Variants in ARHGEF9 observed in about 807,000 individuals in gnomAD.
ARHGEF9 encodes rho guanine nucleotide exchange factor 9.
Under a neutral mutation model 41.3 loss-of-function variants are expected in ARHGEF9, and 2 were observed. That is an observed-to-expected ratio of 0.05 (90% CI 0.02 to 0.15). The LOEUF (loss-of-function observed/expected upper bound fraction) is 0.15. ARHGEF9 is among the 10% of genes least tolerant of loss of function. ARHGEF9 has a pLI of 1.00. For missense variants in ARHGEF9, 225 were observed against 424.7 expected (o/e 0.53, Z 4.13); for synonymous variants, 160 against 154.4 (o/e 1.04, Z -0.27).
rs1260204984 is a variant in ARHGEF9, at chrX:63,753,720, C to G, written c.31-29009G>C. Among the ~76,000 whole-genome samples the G allele has an allele frequency of 3.6e-5, 4 of 111,301 alleles. No homozygotes were observed. In the Admixed American group the frequency reaches 3.8e-4, roughly 11 times the overall value. On this transcript the variant is annotated intron_variant, in intron 1 of 9. Transcript: ENST00000671741. Reference sequence around the variant, plus strand: ...CCAAGGAAATTGACATTTTAAATATCTTAAAGCTTTAAGGTTCAAGAAGTG... The same window carrying G: ...CCAAGGAAATTGACATTTTAAATATGTTAAAGCTTTAAGGTTCAAGAAGTG...
chrX:63,769,970 C>A (rs1432250029), intron 1 of ARHGEF9, among the ~76,000 whole-genome samples: 2 of 112,174 alleles, frequency 1.8e-5, no homozygotes, highest in Non-Finnish European at 3.8e-5. Context: ...CCCTACTGGG[C>A]ACCACCTAGT....
chrX:63,644,355 G>GA (rs782727544), intron 8 of ARHGEF9: 20 of 153,200 alleles, frequency 1.3e-4, no homozygotes, highest in East Asian at 1.3e-3. Context: ...ATGACATAGG[G>GA]AAAAAATATT....
At chrX:63,690,284 A>C (rs1320437616) in intron 4 of ARHGEF9, among the ~76,000 whole-genome samples, 1 of 111,935 alleles carries the variant, frequency 8.9e-6, no homozygotes, top group Non-Finnish European at 1.9e-5. Flanking sequence ...CAAATAAATG[A>C]AATCAGAGGT....
chrX:63,672,195 A>G (rs1187404530), intron 6 of ARHGEF9, among the ~76,000 whole-genome samples: 1 of 110,807 alleles, frequency 9.0e-6, no homozygotes, highest in Middle Eastern at 4.2e-3. Flanking sequence ...ACAGTCTATG[A>G]AGAGGGCCCT....
intron 7 of ARHGEF9, among the ~76,000 whole-genome samples, chrX:63,662,737 T>C: frequency 8.9e-6 from 1 of 112,245 alleles, no homozygotes; most frequent in Non-Finnish European, 1.9e-5. Flanking sequence ...TTGTGAGGAT[T>C]AAATTGAGTT....
chrX:63,696,450 C>A (rs111317753), intron 4 of ARHGEF9, among the ~76,000 whole-genome samples: 2,640 of 111,321 alleles, frequency 0.024, 52 homozygotes, highest in African/African-American at 0.052. Flanking sequence ...GTAACCCAGA[C>A]AGACACTACA....
chrX:63,746,332 AC>A (rs1258824605), intron 1 of ARHGEF9, among the ~76,000 whole-genome samples: 1 of 111,305 alleles, frequency 9.0e-6, no homozygotes, highest in African/African-American at 3.3e-5. Flanking sequence ...CCCTCTCTAA[AC>A]CTTTTTTCTT....
At chrX:63,698,110 T>C (rs1348041888) in intron 3 of ARHGEF9, among the ~76,000 whole-genome samples, 2 of 103,947 alleles carry the variant, frequency 1.9e-5, no homozygotes, top group Admixed American at 2.1e-4. Flanking sequence ...TTTATAAATT[T>C]ATATATATAT....
chrX:63,642,212 A>G (rs1292412209), intron 9 of ARHGEF9: 9 of 111,817 alleles, frequency 8.0e-5, no homozygotes, highest in African/African-American at 2.9e-4. Context: ...TCCAGGAGAC[A>G]AGCTGTTAGG....
intron 1 of ARHGEF9, among the ~76,000 whole-genome samples, chrX:63,760,571 G>A (rs1447674034): frequency 9.0e-6 from 1 of 111,424 alleles, no homozygotes; most frequent in Non-Finnish European, 1.9e-5. Flanking sequence ...AGTATCCCAA[G>A]CACAATCAGG....
chrX:63,644,671 G>A (rs1477254702), intron 8 of ARHGEF9, among the ~76,000 whole-genome samples: 1 of 109,741 alleles, frequency 9.1e-6, no homozygotes, highest in Non-Finnish European at 1.9e-5. Flanking sequence ...ACAACAGAAA[G>A]GACAGCTCAC....
intron 1 of ARHGEF9, chrX:63,754,776 T>C: frequency 2.1e-6 from 2 of 952,844 alleles, no homozygotes; most frequent in Non-Finnish European, 1.3e-6. Context: ...GGGTGCTTGG[T>C]TCCCCCCTTC....
At chrX:63,640,730 T>C (rs1384905395) in intron 9 of ARHGEF9, 1 of 111,780 alleles carries the variant, frequency 8.9e-6, no homozygotes, top group Non-Finnish European at 1.9e-5. Flanking sequence ...AATGTCCCAG[T>C]GTTACAGATG....
intron 1 of ARHGEF9, among the ~76,000 whole-genome samples, chrX:63,774,089 CT>C (rs1556456625): frequency 9.4e-6 from 1 of 106,908 alleles, no homozygotes; most frequent in Non-Finnish European, 1.9e-5. Context: ...ATCTATCTAT[CT>C]ATCTACTTAT....
At chrX:63,710,744 A>C (rs2052882461) in intron 2 of ARHGEF9, among the ~76,000 whole-genome samples, 1 of 111,731 alleles carries the variant, frequency 9.0e-6, no homozygotes, top group Non-Finnish European at 1.9e-5. Context: ...ATGGTGAAAG[A>C]CTGAAGGCTT....
At chrX:63,722,562 A>G (rs190475238) in intron 2 of ARHGEF9, among the ~76,000 whole-genome samples, 2 of 110,545 alleles carry the variant, frequency 1.8e-5, no homozygotes, top group Admixed American at 1.9e-4. Flanking sequence ...GCCCACTGAT[A>G]TTCTGAAGTC....
chrX:63,667,353 G>C (rs2049645061), intron 6 of ARHGEF9, among the ~76,000 whole-genome samples: 1 of 111,206 alleles, frequency 9.0e-6, no homozygotes, highest in Non-Finnish European at 1.9e-5. Flanking sequence ...CTCACTCCTT[G>C]TACTATATTA....
chrX:63,675,163 A>C (rs1556360557), intron 5 of ARHGEF9, among the ~76,000 whole-genome samples: 1 of 111,360 alleles, frequency 9.0e-6, no homozygotes, highest in Non-Finnish European at 1.9e-5. Flanking sequence ...CCAGTCATAA[A>C]CTTCAGAATA....
intron 1 of ARHGEF9, among the ~76,000 whole-genome samples, chrX:63,750,400 A>T (rs2055549487): frequency 9.0e-6 from 1 of 111,369 alleles, no homozygotes; most frequent in African/African-American, 3.3e-5. Context: ...GCCAGGGTCC[A>T]AGCCCTGTTT....
Sources: gnomAD v4.1 joint callset for allele counts (sites outside exome capture counted in the v4.1 genomes callset) on GRCh38, gnomAD v4.1.1 for gene constraint, MANE v1.5 for transcripts, NCBI Gene and HGNC (gene_info 2026-07-23, HGNC 2026-07-21) for gene names.